The following EDIL3 variants were observed in gnomAD, a reference collection of about 807,000 sequenced individuals.
The protein encoded by EDIL3 is EGF like and discoidin domains 3, also known as EGF-like repeat and discoidin I-like domain-containing protein 3.
A neutral mutation model predicts 67.4 loss-of-function variants in EDIL3; 37 were observed. That is an observed-to-expected ratio of 0.55 (90% CI 0.42 to 0.72). The LOEUF (loss-of-function observed/expected upper bound fraction) is 0.72. Ranked by LOEUF, EDIL3 falls within the 30% of genes least tolerant of loss-of-function variation. The pLI is 0.00. For missense variants in EDIL3, 527 were observed against 586.3 expected (o/e 0.90, Z 1.04); for synonymous variants, 195 against 196.3 (o/e 0.99, Z 0.05).
chr5:84,255,931 G>A (rs930331093), intron 1 of EDIL3, among the ~76,000 whole-genome samples: 1 of 152,142 alleles, frequency 6.6e-6, no homozygotes, highest in African/African-American at 2.4e-5. Flanking sequence ...GGATTAAAAA[G>A]TGCCATTGTA....
intron 9 of EDIL3, among the ~76,000 whole-genome samples, chr5:84,025,740 A>G (rs1217763447): frequency 6.6e-6 from 1 of 152,196 alleles, no homozygotes; most frequent in African/African-American, 2.4e-5. Flanking sequence ...CAATTATGCC[A>G]GCATAATGTA....
At chr5:84,374,788 T>C (rs901723406) in intron 1 of EDIL3, among the ~76,000 whole-genome samples, 1 of 152,130 alleles carries the variant, frequency 6.6e-6, no homozygotes, top group Non-Finnish European at 1.5e-5. Context: ...GATGGTTTTA[T>C]AAGTGTTTGG....
chr5:84,183,700 A>G (rs2112360535), intron 3 of EDIL3, among the ~76,000 whole-genome samples: 1 of 152,318 alleles, frequency 6.6e-6, no homozygotes, highest in Middle Eastern at 3.4e-3. Flanking sequence ...AGTAATTTAT[A>G]TCACAGAGAA....
At chr5:84,238,551 C>T (rs12189368) in intron 2 of EDIL3, among the ~76,000 whole-genome samples, 2 of 151,524 alleles carry the variant, frequency 1.3e-5, no homozygotes, top group Admixed American at 1.3e-4. Context: ...AGCACAATTT[C>T]TGCTTGATTA....
chr5:84,075,760 C>T (rs1017577164), intron 6 of EDIL3, among the ~76,000 whole-genome samples: 20 of 151,950 alleles, frequency 1.3e-4, no homozygotes, highest in Admixed American at 1.2e-3. Context: ...CAGGTGTGAG[C>T]CACTGTGCCC....
At chr5:84,209,655 G>A (rs759347023) in intron 3 of EDIL3, among the ~76,000 whole-genome samples, 3 of 151,736 alleles carry the variant, frequency 2.0e-5, no homozygotes. Context: ...AGAAAAACTT[G>A]ACTCTTTCAC....
intron 9 of EDIL3, among the ~76,000 whole-genome samples, chr5:84,021,328 C>G (rs563327228): frequency 5.6e-4 from 85 of 151,674 alleles, no homozygotes; most frequent in Middle Eastern, 6.8e-3. Context: ...TATTTAAAAC[C>G]TTTCTACTTT....
intron 2 of EDIL3, among the ~76,000 whole-genome samples, chr5:84,242,291 A>T (rs185742721): frequency 1.2e-4 from 19 of 152,216 alleles, no homozygotes; most frequent in Admixed American, 1.2e-3. Flanking sequence ...CCCCAGTTTT[A>T]CAGATGAGGA....
At chr5:83,950,731 C>A (rs769793316) in intron 10 of EDIL3, among the ~76,000 whole-genome samples, 1 of 151,856 alleles carries the variant, frequency 6.6e-6, no homozygotes, top group Non-Finnish European at 1.5e-5. Flanking sequence ...ACCAGTGTTA[C>A]TTGTCCTCTT....
intron 10 of EDIL3, among the ~76,000 whole-genome samples, chr5:83,956,116 C>T (rs556714986): frequency 1.1e-3 from 162 of 151,828 alleles, no homozygotes; most frequent in African/African-American, 3.3e-3. Context: ...GCTAGTTGTT[C>T]CATTCTACAG....
intron 2 of EDIL3, among the ~76,000 whole-genome samples, chr5:84,237,714 G>A (rs1402372211): frequency 6.6e-6 from 1 of 152,032 alleles, no homozygotes; most frequent in Non-Finnish European, 1.5e-5. Context: ...CTTTTTGTAA[G>A]AAAGATTTTT....
chr5:84,318,874 T>C (rs1746567352), intron 1 of EDIL3, among the ~76,000 whole-genome samples: 1 of 152,096 alleles, frequency 6.6e-6, no homozygotes. Flanking sequence ...ACAGACAACC[T>C]ACAGATTGGG....
intron 6 of EDIL3, among the ~76,000 whole-genome samples, chr5:84,099,740 T>A (rs1464091012): frequency 6.6e-6 from 1 of 151,998 alleles, no homozygotes. Flanking sequence ...GGGATCTAAT[T>A]AAACTAAAGA....
intron 1 of EDIL3, among the ~76,000 whole-genome samples, chr5:84,374,581 G>A (rs564289011): frequency 4.6e-5 from 7 of 152,220 alleles, no homozygotes; most frequent in Middle Eastern, 3.4e-3. Flanking sequence ...AGAAAATGAC[G>A]AGGATGAGCT....
chr5:84,286,579 G>A (rs983490288), intron 1 of EDIL3, among the ~76,000 whole-genome samples: 3 of 152,052 alleles, frequency 2.0e-5, no homozygotes, highest in South Asian at 4.1e-4. Context: ...TTAAACTTTC[G>A]CCAGGCTTTG....
intron 1 of EDIL3, among the ~76,000 whole-genome samples, chr5:84,362,966 T>C (rs1037339970): frequency 2.0e-5 from 3 of 152,180 alleles, no homozygotes; most frequent in Non-Finnish European, 4.4e-5. Context: ...TGTTTTTCTG[T>C]TTGTAAATTT....
At chr5:84,141,947 A>C (rs374877771) in intron 4 of EDIL3, among the ~76,000 whole-genome samples, 1 of 48,790 alleles carries the variant, frequency 2.0e-5, no homozygotes, top group Non-Finnish European at 4.2e-5. Flanking sequence ...ATATATATAT[A>C]CATAGATCTA....
chr5:84,279,364 T>C (rs1318727995), intron 1 of EDIL3, among the ~76,000 whole-genome samples: 1 of 152,170 alleles, frequency 6.6e-6, no homozygotes, highest in Admixed American at 6.5e-5. Flanking sequence ...TTTACTTATA[T>C]TTACTTATGG....
rs1474354153 is a variant in EDIL3, at chr5:84,313,803, C to T, written c.68-59591G>A. Among the ~76,000 whole-genome samples, 7 of 152,224 alleles carry T rather than the reference C, an allele frequency of 4.6e-5. No individual in the cohort carries two copies. The East Asian group carries it at 1.4e-3, about 29-fold the overall frequency. On this transcript the variant is annotated intron_variant, in intron 1 of 10. Transcript: ENST00000296591. The stretch of plus-strand genomic sequence containing the variant: ...AAGCTCCCAGGTAATTCTGAATTTG[C>T]AGTCAAATTGTGTATACTTAGAAGA...
Sources: allele counts gnomAD v4.1 joint callset (sites outside exome capture counted in the v4.1 genomes callset), GRCh38; gene constraint gnomAD v4.1.1; transcripts MANE v1.5; gene names NCBI Gene and HGNC (gene_info 2026-07-23, HGNC 2026-07-21).